Variants in LRP1B observed in about 807,000 individuals in gnomAD.
The protein encoded by LRP1B is LDL receptor related protein 1B, also known as low-density lipoprotein receptor-related protein 1B.
In LRP1B, 217 loss-of-function variants were observed where a neutral mutation model predicts 556.6. The observed-to-expected ratio is 0.39, with a 90% confidence interval of 0.35 to 0.44. The LOEUF (loss-of-function observed/expected upper bound fraction) is 0.44. LRP1B is among the 20% of genes least tolerant of loss of function. LRP1B has a pLI of 1.00. For synonymous variants in LRP1B, 2,047 were observed against 1,865.8 expected (o/e 1.10, Z -2.50); for missense variants, 5,053 against 5,620.8 (o/e 0.90, Z 3.23).
chr2:140,807,507 A>ATT (rs368741661), intron 32 of LRP1B, among the ~76,000 whole-genome samples: 1,813 of 132,330 alleles, frequency 0.014, 50 homozygotes, highest in Admixed American at 0.052. Flanking sequence ...CGCCTTGCTA[A>ATT]TTTTTTTTTT....
At chr2:140,504,927 A>C (rs1251715861) in intron 53 of LRP1B, among the ~76,000 whole-genome samples, 7 of 152,222 alleles carry the variant, frequency 4.6e-5, no homozygotes, top group Non-Finnish European at 1.0e-4. Context: ...GTTCCAAAAC[A>C]AAAATGTGAC....
In LRP1B at chr2:140,867,850, T is replaced by C. The variant is rs1692998653; in HGVS notation, c.4335-16A>G. On this transcript the variant is annotated splice_polypyrimidine_tract_variant and intron_variant, in intron 26 of 90. Coordinates refer to ENST00000389484, the MANE Select transcript of LRP1B (RefSeq NM_018557.3). ...AGCATCTGACCTACAGAAAGATAAA[T>C]ACATGAGTAGTTTGTCAAAACTCAT... 1 of 1,506,520 alleles carries C rather than the reference T, an allele frequency of 6.6e-7. No homozygotes were observed. Among genetic ancestry groups the C allele is most frequent in the Non-Finnish European group, 8.9e-7 (1 of 1,128,326 alleles). The allele number at this position is 1,506,520 out of a possible 1,614,324, so 93.3% of individuals were successfully genotyped here.
At chr2:142,094,670 T>C (rs1706295476) in intron 1 of LRP1B, among the ~76,000 whole-genome samples, 1 of 152,010 alleles carries the variant, frequency 6.6e-6, no homozygotes, top group Non-Finnish European at 1.5e-5. Context: ...CTTTCTGTCC[T>C]GATTTTGACA....
chr2:140,523,294 A>AT (rs1237106806), intron 49 of LRP1B, among the ~76,000 whole-genome samples: 1 of 152,010 alleles, frequency 6.6e-6, no homozygotes, highest in African/African-American at 2.4e-5. Context: ...AACAAAACCC[A>AT]TGTGATCATC....
In LRP1B at chr2:141,703,687, A is replaced by C. The variant is rs80163196; in HGVS notation, c.205+106592T>G. 3.6e-3 allele frequency among the ~76,000 whole-genome samples: 551 copies of C among 152,090 alleles called. 3 individuals are homozygous for C. The highest frequency in any genetic ancestry group is 0.013 in the African/African-American group (534 of 41,522). On this transcript the variant is annotated intron_variant, in intron 2 of 90. Transcript: ENST00000389484. ...TCCTGCAGCTAGCAATATCAACTAG[A>C]GTCATTTAATCCCTAAATCACACAT...
chr2:141,845,463 C>T (rs1367225455), intron 1 of LRP1B, among the ~76,000 whole-genome samples: 1 of 151,956 alleles, frequency 6.6e-6, no homozygotes, highest in African/African-American at 2.4e-5. Context: ...CTATTCCTCT[C>T]TTCAGGTAGA....
At chr2:141,155,797 T>C (rs965570766) in intron 7 of LRP1B, among the ~76,000 whole-genome samples, 4 of 152,192 alleles carry the variant, frequency 2.6e-5, no homozygotes, top group Non-Finnish European at 5.9e-5. Flanking sequence ...TTTTAAAAAT[T>C]ACATTTACTA....
chr2:141,390,564 G>A (rs1048679654), intron 3 of LRP1B, among the ~76,000 whole-genome samples: 2 of 152,210 alleles, frequency 1.3e-5, no homozygotes, highest in Non-Finnish European at 2.9e-5. Context: ...ATGATAAACT[G>A]TAGTCTATAC....
At chr2:140,410,253 G>C (rs1440996264) in intron 66 of LRP1B, among the ~76,000 whole-genome samples, 2 of 151,370 alleles carry the variant, frequency 1.3e-5, no homozygotes, top group African/African-American at 4.9e-5. Flanking sequence ...TCCCTTACTT[G>C]ACTTACAGTT....
At chr2:141,708,235 A>G (rs550392626) in intron 2 of LRP1B, among the ~76,000 whole-genome samples, 13 of 152,296 alleles carry the variant, frequency 8.5e-5, no homozygotes, top group Admixed American at 8.5e-4. Context: ...AAATTAAAAA[A>G]AAAACAAAAT....
rs369615381 is a variant in LRP1B, at chr2:141,266,034, T to C, written c.344-11393A>G. On this transcript the variant is annotated intron_variant, in intron 3 of 90. Coordinates refer to ENST00000389484, the MANE Select transcript of LRP1B (RefSeq NM_018557.3). ...TTCTGTGTCAGGGAGAGTAGGAATA[T>C]GCATGTCTGGCCAGGCGCGGTGGCT... Among the ~76,000 whole-genome samples, 9 of 152,148 alleles carry C rather than the reference T, an allele frequency of 5.9e-5. No homozygotes were observed. In the East Asian group the frequency reaches 1.4e-3, roughly 23 times the overall value.
At chr2:142,107,710 C>A (rs1053562108) in intron 1 of LRP1B, among the ~76,000 whole-genome samples, 1 of 151,900 alleles carries the variant, frequency 6.6e-6, no homozygotes, top group African/African-American at 2.4e-5. Flanking sequence ...TCATTGCAAC[C>A]TCCGCCTCCT....
At chr2:140,264,321 C>G (rs1184591344) in intron 86 of LRP1B, among the ~76,000 whole-genome samples, 2 of 152,110 alleles carry the variant, frequency 1.3e-5, no homozygotes, top group Admixed American at 6.6e-5. Flanking sequence ...CTCTGCCTCC[C>G]GGGTTCAAGT....
chr2:140,431,914 A>G (rs1685962706), intron 66 of LRP1B, among the ~76,000 whole-genome samples: 1 of 150,574 alleles, frequency 6.6e-6, no homozygotes, highest in Admixed American at 6.6e-5. Flanking sequence ...TCTCCATACC[A>G]CCCCCAAAAA....
intron 66 of LRP1B, among the ~76,000 whole-genome samples, chr2:140,421,724 C>T (rs962753936): frequency 4.6e-5 from 7 of 152,004 alleles, no homozygotes; most frequent in South Asian, 2.1e-4. Flanking sequence ...TCTTTTTAAC[C>T]TCTCATCAGC....
chr2:140,743,660 A>G (rs1688212508), intron 35 of LRP1B, among the ~76,000 whole-genome samples: 2 of 152,122 alleles, frequency 1.3e-5, no homozygotes, highest in Admixed American at 6.6e-5. Flanking sequence ...GTTATTATTC[A>G]CTAAAGAGTA....
chr2:140,276,166 T>C lies in LRP1B; in HGVS notation c.12968-1568A>G, dbSNP rs145240881. ...ACAATTTATAAACTTCATCCTGCTA[T>C]ATTGACAATTATAATGGGTAAGAAA... On this transcript the variant is annotated intron_variant, in intron 84 of 90. Coordinates refer to ENST00000389484, the MANE Select transcript of LRP1B (RefSeq NM_018557.3). Among the ~76,000 whole-genome samples, 325 of 152,158 alleles carry C rather than the reference T, an allele frequency of 2.1e-3. 3 individuals are homozygous for C. Among genetic ancestry groups the C allele is most frequent in the African/African-American group, 7.6e-3 (316 of 41,572 alleles).
chr2:141,840,245 A>C (rs1574416136), intron 1 of LRP1B, among the ~76,000 whole-genome samples: 1 of 149,832 alleles, frequency 6.7e-6, no homozygotes, highest in Admixed American at 6.7e-5. Flanking sequence ...TCATCGTATT[A>C]GAACAAATTT....
At position 140,687,448 on chromosome 2, in the gene LRP1B, A is replaced by G. The variant is rs186971369; in HGVS notation, c.6799+12802T>C. The stretch of plus-strand genomic sequence containing the variant: ...TATCCTAGGCGTTGCAAATAAGGCT[A>G]ACTGGGAAAAGATTTGGCATATAAT... On this transcript the variant is annotated intron_variant, in intron 41 of 90. Coordinates refer to ENST00000389484, the MANE Select transcript of LRP1B (RefSeq NM_018557.3). Among the ~76,000 whole-genome samples the G allele has an allele frequency of 1.8e-3, 273 of 152,326 alleles. 1 individual carries two copies. The highest frequency in any genetic ancestry group is 2.9e-3 in the Non-Finnish European group (199 of 68,004).
Sources: allele counts gnomAD v4.1 joint callset (sites outside exome capture counted in the v4.1 genomes callset), GRCh38; gene constraint gnomAD v4.1.1; transcripts MANE v1.5; gene names NCBI Gene and HGNC (gene_info 2026-07-23, HGNC 2026-07-21).